The following NRXN1 variants were observed in gnomAD, a reference collection of about 807,000 sequenced individuals.
NRXN1 encodes the protein neurexin 1, also known as neurexin-1.
A neutral mutation model predicts 150.9 loss-of-function variants in NRXN1; 39 were observed. The ratio of observed to expected loss-of-function variants is 0.26; its 90% CI spans 0.20 to 0.34. The LOEUF is 0.34. Ranked by LOEUF, NRXN1 falls within the 10% of genes least tolerant of loss-of-function variation. The probability of loss-of-function intolerance (pLI) is 1.00; values close to 1 mark genes in which losing one functional copy is unlikely to be tolerated. For synonymous variants in NRXN1, 924 were observed against 757.0 expected (o/e 1.22, Z -3.62); for missense variants, 1,815 against 1,949.9 (o/e 0.93, Z 1.30).
At chr2:50,567,037 C>T (rs1040234122) in intron 8 of NRXN1, among the ~76,000 whole-genome samples, 51 of 152,178 alleles carry the variant, frequency 3.4e-4, no homozygotes, top group African/African-American at 1.0e-3. Flanking sequence ...TCATCCTACT[C>T]TCTTTCTCTC....
chr2:50,323,809 G>A (rs2076205193), intron 17 of NRXN1, among the ~76,000 whole-genome samples: 1 of 152,058 alleles, frequency 6.6e-6, no homozygotes, highest in Non-Finnish European at 1.5e-5. Context: ...AATCAAGCTA[G>A]AAAACATAGG....
intron 21 of NRXN1, among the ~76,000 whole-genome samples, chr2:50,046,454 T>A (rs888075389): frequency 6.6e-6 from 1 of 152,200 alleles, no homozygotes; most frequent in African/African-American, 2.4e-5. Context: ...AGAAAGATGC[T>A]TTAATTTACA....
At chr2:50,915,569 T>C (rs982143573) in intron 5 of NRXN1, among the ~76,000 whole-genome samples, 16 of 151,580 alleles carry the variant, frequency 1.1e-4, no homozygotes, top group Admixed American at 6.6e-5. Context: ...TTAATACTTT[T>C]TTGTACAAAT....
At chr2:50,726,833 A>C (rs573845063) in intron 5 of NRXN1, among the ~76,000 whole-genome samples, 3 of 152,330 alleles carry the variant, frequency 2.0e-5, no homozygotes, top group South Asian at 2.1e-4. Flanking sequence ...ATTATTCAGC[A>C]TACATTCTAT....
intron 17 of NRXN1, chr2:50,464,320 G>A (rs1344899358): frequency 6.6e-6 from 1 of 151,760 alleles, no homozygotes; most frequent in African/African-American, 2.4e-5. Context: ...TGTATTGGTT[G>A]TGCGTTTTTC....
chr2:50,701,709 T>C (rs931661121), intron 5 of NRXN1, among the ~76,000 whole-genome samples: 1 of 152,162 alleles, frequency 6.6e-6, no homozygotes, highest in African/African-American at 2.4e-5. Context: ...CCATTCCTCT[T>C]CAATGCTTGG....
At chr2:50,040,751 G>T (rs1393805094) in intron 21 of NRXN1, among the ~76,000 whole-genome samples, 14 of 152,116 alleles carry the variant, frequency 9.2e-5, no homozygotes, top group Admixed American at 9.2e-4. Flanking sequence ...AATTCTGGGA[G>T]TAATCTGTTA....
At chr2:50,264,999 C>T (rs1297566960) in intron 17 of NRXN1, among the ~76,000 whole-genome samples, 1 of 151,910 alleles carries the variant, frequency 6.6e-6, no homozygotes, top group Non-Finnish European at 1.5e-5. Flanking sequence ...GGGTATAGCG[C>T]CCAAAGCATT....
chr2:50,913,003 A>T (rs777981600), intron 5 of NRXN1: 43 of 151,820 alleles, frequency 2.8e-4, no homozygotes, highest in Non-Finnish European at 4.1e-4. Context: ...TCTGGAAAAG[A>T]ATGCCACTGG....
At chr2:50,477,709 C>T (rs976143163) in intron 15 of NRXN1, among the ~76,000 whole-genome samples, 1 of 152,056 alleles carries the variant, frequency 6.6e-6, no homozygotes, top group Admixed American at 6.6e-5. Flanking sequence ...AGGACAATTG[C>T]CTTATAGATT....
At chr2:49,951,896 C>T (rs1674034677) in intron 21 of NRXN1, among the ~76,000 whole-genome samples, 1 of 151,912 alleles carries the variant, frequency 6.6e-6, no homozygotes, top group East Asian at 1.9e-4. Flanking sequence ...TGCAAAATGC[C>T]TATGATGGAT....
At chr2:50,478,214 G>C (rs1192324714) in intron 15 of NRXN1, among the ~76,000 whole-genome samples, 1 of 152,060 alleles carries the variant, frequency 6.6e-6, no homozygotes, top group African/African-American at 2.4e-5. Context: ...ACATTTGTTT[G>C]CTTTCTTAGT....
At chr2:50,637,480 GT>G (rs1683398128) in intron 5 of NRXN1, 2 of 152,156 alleles carry the variant, frequency 1.3e-5, no homozygotes, top group East Asian at 3.9e-4. Flanking sequence ...TACAGATTAA[GT>G]GCAAACACAC....
At chr2:49,953,742 T>C (rs529617736) in intron 21 of NRXN1, among the ~76,000 whole-genome samples, 1 of 152,168 alleles carries the variant, frequency 6.6e-6, no homozygotes, top group South Asian at 2.1e-4. Flanking sequence ...ATTTCATATG[T>C]GTGAAGACAT....
At chr2:50,421,827 C>G (rs1292694213) in intron 17 of NRXN1, among the ~76,000 whole-genome samples, 1 of 152,052 alleles carries the variant, frequency 6.6e-6, no homozygotes, top group Non-Finnish European at 1.5e-5. Flanking sequence ...TTGTTTTATC[C>G]TGTTTTCCTA....
chr2:50,924,881 A>G (rs2024513), intron 3 of NRXN1, among the ~76,000 whole-genome samples: 51,848 of 151,532 alleles, frequency 0.34, 10,572 homozygotes, highest in Non-Finnish European at 0.47. Context: ...AGATACATGA[A>G]GTCTTGGTAA....
At chr2:50,078,391 T>C (rs115702325) in intron 19 of NRXN1, among the ~76,000 whole-genome samples, 2,607 of 149,402 alleles carry the variant, frequency 0.017, 77 homozygotes, top group African/African-American at 0.06. Context: ...AAAAATCTTA[T>C]AGAATGAGAG....
chr2:50,758,170 CCAA>C (rs1701378821), intron 5 of NRXN1: 2 of 151,794 alleles, frequency 1.3e-5, no homozygotes. Flanking sequence ...AATAGTTTAA[CCAA>C]CGCAGAGACC....
At chr2:50,093,298 T>G (rs975722766) in intron 18 of NRXN1, among the ~76,000 whole-genome samples, 1 of 151,652 alleles carries the variant, frequency 6.6e-6, no homozygotes, top group African/African-American at 2.4e-5. Flanking sequence ...CAGGGGAAAA[T>G]ATATACTAAA....
Sources: allele counts gnomAD v4.1 joint callset (sites outside exome capture counted in the v4.1 genomes callset), GRCh38; gene constraint gnomAD v4.1.1; transcripts MANE v1.5; gene names NCBI Gene and HGNC (gene_info 2026-07-23, HGNC 2026-07-21).